TNIK: variants seen among roughly 807,000 people sequenced by gnomAD.
TNIK encodes the protein TRAF2 and NCK interacting kinase.
TNIK carries 49 observed loss-of-function variants against 191.3 expected under a neutral mutation model. The ratio of observed to expected loss-of-function variants is 0.26; its 90% CI spans 0.20 to 0.32. The LOEUF (loss-of-function observed/expected upper bound fraction) is 0.32, where lower values mean the gene tolerates loss of function less well. TNIK is among the 10% of genes least tolerant of loss of function. The pLI, the probability that TNIK is intolerant of heterozygous loss-of-function variation, is 1.00. For missense variants in TNIK, 1,155 were observed against 1,702.3 expected (o/e 0.68, Z 5.66); for synonymous variants, 594 against 600.9 (o/e 0.99, Z 0.17).
At chr3:171,119,116 C>T (rs914956546) in intron 18 of TNIK, among the ~76,000 whole-genome samples, 4 of 152,172 alleles carry the variant, frequency 2.6e-5, no homozygotes, top group Non-Finnish European at 5.9e-5. Flanking sequence ...ACAACCCCAT[C>T]AACAAGTGGG....
intron 1 of TNIK, among the ~76,000 whole-genome samples, chr3:171,443,816 C>A (rs576212554): frequency 6.6e-6 from 1 of 152,090 alleles, no homozygotes; most frequent in Admixed American, 6.6e-5. Context: ...AGAGCAAGAC[C>A]CTGCCTCAAA....
rs529082712 is a variant in TNIK at position 171,152,776 on chromosome 3, G to T, written c.1221+4684C>A. 3.6e-5 allele frequency among the ~76,000 whole-genome samples: 5 copies of T among 139,858 alleles called. No homozygotes were observed. In the East Asian group the frequency reaches 8.4e-4, roughly 23 times the overall value. The allele number at this position is 139,858 out of a possible 152,430, so 91.8% of individuals were successfully genotyped here. Reference sequence around the variant, plus strand: ...CTATGTGTTTTGTTTTTTGTTTTTTGTTTTTTTTTTTTTGAGACGGAGTCT... The same window carrying T: ...CTATGTGTTTTGTTTTTTGTTTTTTTTTTTTTTTTTTTTGAGACGGAGTCT... On this transcript the variant is annotated intron_variant, in intron 12 of 32. Transcript: ENST00000436636.
At chr3:171,183,747 C>T (rs530784217) in intron 7 of TNIK, among the ~76,000 whole-genome samples, 7 of 151,952 alleles carry the variant, frequency 4.6e-5, no homozygotes, top group African/African-American at 1.2e-4. Context: ...ACAGTGAAAC[C>T]CTGTCTCTAC....
At chr3:171,446,092 C>T (rs1727455571) in intron 1 of TNIK, among the ~76,000 whole-genome samples, 2 of 152,176 alleles carry the variant, frequency 1.3e-5, no homozygotes. Context: ...AGAATCTGAA[C>T]TCTAACTTTC....
chr3:171,250,715 C>A (rs1197916722), intron 2 of TNIK, among the ~76,000 whole-genome samples: 1 of 152,162 alleles, frequency 6.6e-6, no homozygotes, highest in Non-Finnish European at 1.5e-5. Flanking sequence ...TCAGTTTCCA[C>A]ACTAAAATCA....
intron 2 of TNIK, among the ~76,000 whole-genome samples, chr3:171,315,034 C>G (rs1203696378): frequency 6.6e-6 from 1 of 152,092 alleles, no homozygotes; most frequent in Admixed American, 6.6e-5. Context: ...ACAACAACCA[C>G]AAACCCCCCC....
intron 2 of TNIK, among the ~76,000 whole-genome samples, chr3:171,351,857 G>A (rs759831625): frequency 6.6e-6 from 1 of 152,144 alleles, no homozygotes; most frequent in Non-Finnish European, 1.5e-5. Context: ...TCAGTTCCCA[G>A]GAGAACCATT....
chr3:171,114,161 C>CA (rs1184165697), intron 18 of TNIK, among the ~76,000 whole-genome samples: 8 of 152,226 alleles, frequency 5.3e-5, no homozygotes, highest in Admixed American at 1.3e-4. Flanking sequence ...TCAAATCTAT[C>CA]GCCTTCCAGA....
chr3:171,161,346 G>A lies in TNIK; in HGVS notation c.950-10C>T. 1 of 1,610,468 alleles carries A rather than the reference G, an allele frequency of 6.2e-7. No homozygotes were observed. Among genetic ancestry groups the A allele is most frequent in the Non-Finnish European group, 8.5e-7 (1 of 1,177,764 alleles). On this transcript the variant is annotated splice_polypyrimidine_tract_variant and intron_variant, in intron 10 of 32. Transcript: ENST00000436636. ...TCATACTCTGTCTCATCTGAAGAAA[G>A]ATCCCAGCATGTTAGTGCACAAAAA...
intron 25 of TNIK, 122 bp from the exon 26 acceptor site, chr3:171,084,447 T>C: frequency 8.7e-7 from 1 of 1,145,748 alleles, no homozygotes; most frequent in Non-Finnish European, 1.2e-6. Flanking sequence ...AAGGAAACTC[T>C]GAAACTCTCC....
At chr3:171,161,913 C>T (rs1734045346) in intron 10 of TNIK, among the ~76,000 whole-genome samples, 1 of 152,048 alleles carries the variant, frequency 6.6e-6, no homozygotes, top group African/African-American at 2.4e-5. Flanking sequence ...GAGCGAGGCC[C>T]TGTCTCAAAA....
At chr3:171,136,770 C>T (rs569419724) in intron 15 of TNIK, among the ~76,000 whole-genome samples, 1 of 152,278 alleles carries the variant, frequency 6.6e-6, no homozygotes, top group African/African-American at 2.4e-5. Flanking sequence ...GCCTGCCAGC[C>T]AAGAAGCATG....
At chr3:171,413,146 C>A (rs1722621808) in intron 1 of TNIK, among the ~76,000 whole-genome samples, 1 of 152,214 alleles carries the variant, frequency 6.6e-6, no homozygotes. Flanking sequence ...TACACAAATA[C>A]ATGATAATAT....
At chr3:171,352,627 A>G (rs1206778599) in intron 2 of TNIK, among the ~76,000 whole-genome samples, 2 of 152,228 alleles carry the variant, frequency 1.3e-5, no homozygotes, top group Admixed American at 6.5e-5. Context: ...CAGGAACCCT[A>G]TTTAAGTGAA....
Position 171,180,919 on chromosome 3 carries a change from C to T in TNIK, c.640-3539G>A, listed in dbSNP as rs545891736. Among the ~76,000 whole-genome samples, 10 of 152,286 alleles carry T rather than the reference C, an allele frequency of 6.6e-5. 1 individual carries two copies. The South Asian group carries it at 1.2e-3, about 19-fold the overall frequency. ...AGGTGCTGGCAACTCAATAAAGGTA[C>T]TGAGATTCAGTGAGGTACTCCAGTT... On this transcript the variant is annotated intron_variant, in intron 7 of 32. Coordinates refer to ENST00000436636, the MANE Select transcript of TNIK (RefSeq NM_015028.4).
chr3:171,364,301 A>C (rs1715391455), intron 2 of TNIK, among the ~76,000 whole-genome samples: 2 of 152,114 alleles, frequency 1.3e-5, no homozygotes, highest in Admixed American at 6.6e-5. Flanking sequence ...TTTCTAGCAT[A>C]GTCTTGCTTC....
chr3:171,084,429 G>T, intron 25 of TNIK, 104 bp from the exon 26 acceptor site: 2 of 1,340,104 alleles, frequency 1.5e-6, no homozygotes, highest in Non-Finnish European at 2.0e-6. Flanking sequence ...TTGAATTATA[G>T]TAAAGGCAAG....
At position 171,366,196 on chromosome 3, in the gene TNIK, G is replaced by A. The variant is rs1056269224; in HGVS notation, c.123+3424C>T. ...ATGCAGCCATGAACAGAAGGAGATG[G>A]TTTCCTCATTAAAAGTCCTGAGAGT... On this transcript the variant is annotated intron_variant, in intron 2 of 32. Transcript: ENST00000436636. The surrounding 1 kb of genome is among the most constrained non-coding windows in gnomAD (Gnocchi z 4.1). Among the ~76,000 whole-genome samples, 1 of 152,100 alleles carries A rather than the reference G, an allele frequency of 6.6e-6. No individual in the cohort carries two copies. The highest frequency in any genetic ancestry group is 2.4e-5 in the African/African-American group (1 of 41,406).
intron 2 of TNIK, among the ~76,000 whole-genome samples, chr3:171,263,108 G>T (rs992069763): frequency 6.6e-5 from 10 of 152,178 alleles, no homozygotes; most frequent in African/African-American, 2.4e-4. Flanking sequence ...AAATTCACCA[G>T]GCTATTCCCA....
Sources: allele counts gnomAD v4.1 joint callset (sites outside exome capture counted in the v4.1 genomes callset), GRCh38; gene constraint gnomAD v4.1.1; non-coding constraint Gnocchi (gnomAD v3.1); transcripts MANE v1.5; gene names NCBI Gene and HGNC (gene_info 2026-07-23, HGNC 2026-07-21).